The following ESR1 variants were observed in gnomAD, a reference collection of about 807,000 sequenced individuals.
ESR1 encodes estrogen receptor 1.
Under a neutral mutation model 52.7 loss-of-function variants are expected in ESR1, and 12 were observed. The ratio of observed to expected loss-of-function variants is 0.23; its 90% CI spans 0.15 to 0.37. ESR1 has a LOEUF of 0.37. Ranked by LOEUF, ESR1 falls within the 10% of genes least tolerant of loss-of-function variation. ESR1 has a pLI of 1.00. For missense variants in ESR1, 584 were observed against 779.7 expected, an observed-to-expected ratio of 0.75 and a Z score of 2.99; for synonymous variants, 305 against 316.8, an observed-to-expected ratio of 0.96 and a Z score of 0.39.
At chr6:152,068,664 T>G (rs1489542160) in intron 6 of ESR1, among the ~76,000 whole-genome samples, 3 of 152,262 alleles carry the variant, frequency 2.0e-5, no homozygotes, top group African/African-American at 7.2e-5. Flanking sequence ...ATTTTAAAAT[T>G]CTTAAAGACA....
chr6:151,976,146 T>G (rs2039414582), intron 4 of ESR1, among the ~76,000 whole-genome samples: 1 of 152,160 alleles, frequency 6.6e-6, no homozygotes, highest in East Asian at 1.9e-4. Context: ...AAGATTTTGT[T>G]GTTTTTTTTT....
chr6:152,020,648 G>T (rs1437410645), intron 5 of ESR1, among the ~76,000 whole-genome samples: 1 of 151,878 alleles, frequency 6.6e-6, no homozygotes, highest in Non-Finnish European at 1.5e-5. Flanking sequence ...ATGGGGTTTT[G>T]CCACGTTGGC....
chr6:151,840,246 C>T (rs1784077913), intron 1 of ESR1, among the ~76,000 whole-genome samples: 1 of 152,134 alleles, frequency 6.6e-6, no homozygotes, highest in Non-Finnish European at 1.5e-5. Context: ...ATAGCTGCTT[C>T]CTACTGACTT....
chr6:152,125,297 C>T (rs1181938125), exon 7 of ESR1: 1 of 1,550,376 alleles, frequency 6.5e-7, no homozygotes, highest in Non-Finnish European at 8.7e-7. Flanking sequence ...AGAAGAGAAT[C>T]CTGAACTTGC....
At chr6:151,911,771 T>C (rs1056250361) in intron 3 of ESR1, among the ~76,000 whole-genome samples, 5 of 152,202 alleles carry the variant, frequency 3.3e-5, no homozygotes, top group Non-Finnish European at 2.9e-5. Context: ...TAGCTGAGAC[T>C]CTATGCAGGA....
chr6:152,104,447 A>G (rs2813544), downstream of ESR1, among the ~76,000 whole-genome samples: 32,440 of 152,128 alleles, frequency 0.21, 3,541 homozygotes, highest in African/African-American at 0.22. Context: ...AGCTATTTTT[A>G]TCACAATTAT....
chr6:152,048,575 C>A (rs1365491177), intron 5 of ESR1, among the ~76,000 whole-genome samples: 2 of 152,112 alleles, frequency 1.3e-5, no homozygotes, highest in Non-Finnish European at 2.9e-5. Flanking sequence ...CTGTACCCTG[C>A]AGGAAGGCAA....
intron 4 of ESR1, among the ~76,000 whole-genome samples, chr6:152,002,185 A>AGTGTGTGTGTGTGTGTGTGTGT (rs10578838): frequency 7.8e-5 from 11 of 141,388 alleles, no homozygotes; most frequent in South Asian, 2.4e-4. Context: ...TTTTAAATCA[A>AGTGTGTGTGTGTGTGTGTGTGT]GTGTGTGTGT....
chr6:151,733,290 C>T (rs1782394836), intron 2 of ESR1, among the ~76,000 whole-genome samples: 1 of 152,140 alleles, frequency 6.6e-6, no homozygotes, highest in Non-Finnish European at 1.5e-5. Context: ...AAGTTATTGG[C>T]CACCATACTC....
chr6:151,686,935 G>T (rs773106596), upstream of ESR1, among the ~76,000 whole-genome samples: 3 of 152,166 alleles, frequency 2.0e-5, no homozygotes, highest in Non-Finnish European at 4.4e-5. Flanking sequence ...CATGGGTCCA[G>T]AGCCCCCTAT....
intron 1 of ESR1, among the ~76,000 whole-genome samples, chr6:151,816,429 G>C (rs1247742629): frequency 6.6e-6 from 1 of 152,176 alleles, no homozygotes; most frequent in African/African-American, 2.4e-5. Context: ...ACATCGTTTG[G>C]ATGATGTGAG....
chr6:151,682,807 C>T (rs1778508981), intron 1 of ESR1, among the ~76,000 whole-genome samples: 1 of 152,164 alleles, frequency 6.6e-6, no homozygotes, highest in South Asian at 2.1e-4. Context: ...GATATGATTT[C>T]AGGGGATTCC....
intron 1 of ESR1, among the ~76,000 whole-genome samples, chr6:151,665,526 G>T (rs1178519449): frequency 1.3e-5 from 2 of 152,224 alleles, no homozygotes; most frequent in African/African-American, 2.4e-5. Flanking sequence ...ATCTGGAGCC[G>T]CAGATTTTGA....
At chr6:152,000,563 G>T (rs1413329861) in intron 4 of ESR1, among the ~76,000 whole-genome samples, 3 of 151,908 alleles carry the variant, frequency 2.0e-5, no homozygotes, top group African/African-American at 7.3e-5. Context: ...CCCAGGTAAT[G>T]ATTTCCTGAG....
chr6:151,909,933 G>C (rs4869749), intron 3 of ESR1, among the ~76,000 whole-genome samples: 118,929 of 151,970 alleles, frequency 0.78, 47,213 homozygotes, highest in African/African-American at 0.9. Context: ...TAGGTGGGGG[G>C]CCCCAACAAA....
chr6:151,899,436 G>A (rs566721858), intron 3 of ESR1, among the ~76,000 whole-genome samples: 5 of 133,344 alleles, frequency 3.7e-5, no homozygotes, highest in East Asian at 2.4e-4. Flanking sequence ...GGGCAGAGGC[G>A]CCCCTCACCT....
intron 3 of ESR1, among the ~76,000 whole-genome samples, chr6:151,924,928 C>T (rs1018778769): frequency 2.6e-5 from 4 of 152,176 alleles, no homozygotes; most frequent in African/African-American, 9.6e-5. Flanking sequence ...CCTACATGTG[C>T]ATGTGTCTTT....
At chr6:152,063,296 GT>G (rs1191024330) in intron 6 of ESR1, among the ~76,000 whole-genome samples, 1 of 152,162 alleles carries the variant, frequency 6.6e-6, no homozygotes, top group Non-Finnish European at 1.5e-5. Flanking sequence ...ATAGTTTATA[GT>G]TGTCTTTTTC....
chr6:151,920,140 A>T (rs949222480), intron 3 of ESR1, among the ~76,000 whole-genome samples: 1 of 152,122 alleles, frequency 6.6e-6, no homozygotes, highest in African/African-American at 2.4e-5. Context: ...TGCAATCATT[A>T]TTATAAAATT....
Sources: allele counts gnomAD v4.1 joint callset (sites outside exome capture counted in the v4.1 genomes callset), GRCh38; gene constraint gnomAD v4.1.1; transcripts MANE v1.5; gene names NCBI Gene and HGNC (gene_info 2026-07-23, HGNC 2026-07-21).